Variants in DSE observed in about 807,000 individuals in gnomAD.
The protein encoded by DSE is dermatan-sulfate epimerase.
DSE carries 36 observed loss-of-function variants against 84.4 expected under a neutral mutation model. The ratio of observed to expected loss-of-function variants is 0.43; its 90% confidence interval spans 0.33 to 0.56. The LOEUF (loss-of-function observed/expected upper bound fraction) is 0.56, where lower values mean the gene tolerates loss of function less well. Ranked by LOEUF, DSE falls within the 20% of genes least tolerant of loss-of-function variation. The pLI, the probability that DSE is intolerant of heterozygous loss-of-function variation, is 0.06. For synonymous variants in DSE, 410 were observed against 430.1 expected (o/e 0.95, Z 0.58); for missense variants, 862 against 1,169.6 (o/e 0.74, Z 3.84).
At chr6:116,390,448 G>A (rs1780829641) in intron 1 of DSE, among the ~76,000 whole-genome samples, 1 of 152,050 alleles carries the variant, frequency 6.6e-6, no homozygotes, top group Non-Finnish European at 1.5e-5. Context: ...CCCAACTTGG[G>A]TAAGGAATTG....
At chr6:116,332,474 C>T (rs1336599598) in intron 2 of DSE, among the ~76,000 whole-genome samples, 1 of 151,604 alleles carries the variant, frequency 6.6e-6, no homozygotes, top group African/African-American at 2.4e-5. Flanking sequence ...CAGGTATAGA[C>T]AAGACACTCT....
In DSE at chr6:116,444,566, C is replaced by T. The variant is rs1252597805; in HGVS notation, c.*7221C>T. On this transcript the variant is annotated 3_prime_UTR_variant, in exon 6 of 6. Coordinates refer to ENST00000644252, the MANE Select transcript of DSE (RefSeq NM_013352.4). Reference sequence around the variant, plus strand: ...CTTGCTGCAGACTGAATGTTTGCCTCCTCTCAAAATTAATATGTTGAAACC... The same window carrying T: ...CTTGCTGCAGACTGAATGTTTGCCTTCTCTCAAAATTAATATGTTGAAACC... 1.3e-5 allele frequency: 2 copies of T among 152,104 alleles called. No homozygotes were observed. Among genetic ancestry groups the T allele is most frequent in the East Asian group, 1.9e-4 (1 of 5,202 alleles). The allele number at this position is 152,104 out of a possible 1,614,324, so 9.4% of individuals were successfully genotyped here. A position where few individuals can be genotyped will look rare whatever the true frequency, so the allele number is the denominator to read the frequency against.
intron 2 of DSE, among the ~76,000 whole-genome samples, chr6:116,425,521 A>C: frequency 6.6e-6 from 1 of 152,182 alleles, no homozygotes; most frequent in Non-Finnish European, 1.5e-5. Context: ...TGCAAGCCAC[A>C]CACTAATTTG....
rs1784324892 is a variant in DSE, at chr6:116,438,727, A to G, written c.*1382A>G. On this transcript the variant is annotated 3_prime_UTR_variant, in exon 6 of 6. Coordinates refer to ENST00000644252, the MANE Select transcript of DSE (RefSeq NM_013352.4). ...AGTAAGGACACACTCACTGATTTAT[A>G]GGTGTAAAGTAACAACAGTAACCTT... is the stretch of plus-strand genomic sequence containing the variant. 6.6e-6 allele frequency: 1 copy of G among 152,214 alleles called. No homozygotes were observed. The highest frequency in any genetic ancestry group is 6.5e-5 in the Admixed American group (1 of 15,284). The allele number at this position is 152,214 out of a possible 1,614,324, so 9.4% of individuals were successfully genotyped here. A position where few individuals can be genotyped will look rare whatever the true frequency, so the allele number is the denominator to read the frequency against.
At chr6:116,261,854 C>G (rs1242363815) in intron 2 of DSE, among the ~76,000 whole-genome samples, 1 of 152,140 alleles carries the variant, frequency 6.6e-6, no homozygotes, top group East Asian at 1.9e-4. Context: ...TTGATATAAT[C>G]ATATGGTTTT....
At chr6:116,280,082 C>T (rs1471527097) in intron 2 of DSE, 4 of 593,756 alleles carry the variant, frequency 6.7e-6, no homozygotes, top group African/African-American at 3.7e-5. Context: ...GTAATTTTAC[C>T]TACGTAAATA....
chr6:116,426,677 C>T lies in DSE; in HGVS notation c.520C>T (p.Gln174Ter). The T allele has an allele frequency of 6.2e-7, 1 of 1,614,152 alleles. No individual in the cohort carries two copies. Among genetic ancestry groups the T allele is most frequent in the Non-Finnish European group, 8.5e-7 (1 of 1,180,010 alleles). Residue 174 changes from glutamine to a stop codon, truncating the protein, a stop_gained, in exon 3 of 6, where the codon CAG (glutamine) becomes TAG (stop). Coordinates refer to ENST00000644252, the MANE Select transcript of DSE (RefSeq NM_013352.4). LOFTEE classifies it high-confidence loss of function. The part of the protein sequence containing the change: ...FLYNYLSKTQ[Q>*]EKFLEVIANA... ...GTACAACTACCTGAGCAAGACACAACAGGAGAAGTTTCTTGAAGTGATTGC... is the reference window on the plus strand; with the variant it reads ...GTACAACTACCTGAGCAAGACACAATAGGAGAAGTTTCTTGAAGTGATTGC...
chr6:116,343,996 G>A (rs1158507342), intron 2 of DSE, among the ~76,000 whole-genome samples: 2 of 152,244 alleles, frequency 1.3e-5, no homozygotes, highest in African/African-American at 4.8e-5. Flanking sequence ...GCATGCACAA[G>A]CTTCAGTAGC....
intron 1 of DSE, among the ~76,000 whole-genome samples, chr6:116,398,246 GATTTT>G (rs747387840): frequency 1.3e-5 from 2 of 152,148 alleles, no homozygotes; most frequent in South Asian, 2.1e-4. Flanking sequence ...AGGTTTTGGG[GATTTT>G]ATTTTATTTT....
intron 2 of DSE, among the ~76,000 whole-genome samples, chr6:116,409,604 C>G (rs1376610502): frequency 2.6e-5 from 4 of 152,060 alleles, no homozygotes; most frequent in African/African-American, 7.2e-5. Flanking sequence ...TATACTTGCT[C>G]TGTTCTGGGT....
intron 1 of DSE, among the ~76,000 whole-genome samples, chr6:116,386,009 A>G (rs1393675785): frequency 6.6e-6 from 1 of 152,146 alleles, no homozygotes; most frequent in Non-Finnish European, 1.5e-5. Context: ...AATGCCCATA[A>G]ATTACTTTCC....
chr6:116,313,545 C>T (rs79088723), intron 2 of DSE, among the ~76,000 whole-genome samples: 6,704 of 152,206 alleles, frequency 0.044, 504 homozygotes, highest in African/African-American at 0.15. Context: ...TCATTAAATT[C>T]TTTTTGCATA....
In DSE at chr6:116,436,575, G is replaced by A; in HGVS notation, c.2107G>A (p.Ala703Thr). The A allele has an allele frequency of 1.2e-6, 2 of 1,614,162 alleles. No individual in the cohort carries two copies. The highest frequency in any genetic ancestry group is 2.2e-5 in the South Asian group (2 of 91,076). Residue 703 changes from alanine (A) to threonine (T), a missense_variant, in exon 6 of 6, where the codon GCC becomes ACC. Physicochemically the swap from Ala to Thr is moderately conservative, Grantham distance 58 (BLOSUM62 0). Coordinates refer to ENST00000644252, the MANE Select transcript of DSE (RefSeq NM_013352.4). Reference sequence around the variant, plus strand: ...CGCCACATACCTGTGGACAGGTGAGGCCACAGGACAGTCTGCCTTTGCACA... The same window carrying A: ...CGCCACATACCTGTGGACAGGTGAGACCACAGGACAGTCTGCCTTTGCACA... ...AYATYLWTGE[A>T]TGQSAFAQVI...
At chr6:116,267,995 G>A (rs1230902128) in intron 2 of DSE, among the ~76,000 whole-genome samples, 1 of 152,078 alleles carries the variant, frequency 6.6e-6, no homozygotes, top group Non-Finnish European at 1.5e-5. Context: ...GACATGTAAG[G>A]ATTACAATTT....
intron 2 of DSE, among the ~76,000 whole-genome samples, chr6:116,342,132 A>G (rs949125139): frequency 1.3e-5 from 2 of 152,028 alleles, no homozygotes; most frequent in Non-Finnish European, 2.9e-5. Context: ...TTTTTGTTCA[A>G]TTATTTTTTT....
At chr6:116,294,827 A>C (rs1415161465) in intron 2 of DSE, among the ~76,000 whole-genome samples, 2 of 152,038 alleles carry the variant, frequency 1.3e-5, no homozygotes, top group Non-Finnish European at 2.9e-5. Flanking sequence ...ATTTCCTCTC[A>C]CCCCATCTTT....
intron 2 of DSE, among the ~76,000 whole-genome samples, chr6:116,348,271 A>T (rs9488909): frequency 6.6e-6 from 1 of 152,042 alleles, no homozygotes; most frequent in Non-Finnish European, 1.5e-5. Flanking sequence ...ACTAAAAATT[A>T]AAAAAATTAG....
In DSE at chr6:116,430,935, A is replaced by G. The variant is rs1291154394; in HGVS notation, c.671-19A>G. ...GTCACAGGCTTTAGTCATTGCTTCC[A>G]TGTGTTTTCATCCTTCAGGATATCT... On this transcript the variant is annotated intron_variant, in intron 3 of 5. Transcript: ENST00000644252. 6.2e-7 allele frequency: 1 copy of G among 1,611,204 alleles called. No individual in the cohort carries two copies. Among genetic ancestry groups the G allele is most frequent in the South Asian group, 1.1e-5 (1 of 90,974 alleles).
intron 2 of DSE, 31 bp downstream of exon 2, chr6:116,399,697 G>A (rs752074816): frequency 1.3e-6 from 2 of 1,589,868 alleles, no homozygotes; most frequent in South Asian, 1.1e-5. Context: ...TCTTACTGTG[G>A]TAACTCTGCA....
Sources: gnomAD v4.1 joint callset for allele counts (sites outside exome capture counted in the v4.1 genomes callset) on GRCh38, gnomAD v4.1.1 for gene constraint, MANE v1.5 for transcripts, NCBI Gene and HGNC (gene_info 2026-07-23, HGNC 2026-07-21) for gene names.